The following GPC5 variants were observed in gnomAD, a reference collection of about 807,000 sequenced individuals.
GPC5 encodes glypican-5.
GPC5 carries 47 observed loss-of-function variants against 53.9 expected under a neutral mutation model. The observed-to-expected ratio is 0.87, with a 90% CI of 0.69 to 1.11. GPC5 has a LOEUF of 1.11. GPC5 is among the 50% of genes most tolerant of loss of function. The pLI, the probability that GPC5 is intolerant of heterozygous loss-of-function variation, is 0.00. For missense variants in GPC5, 748 were observed against 713.1 expected, an observed-to-expected ratio of 1.05 and a Z score of -0.56; for synonymous variants, 286 against 263.3, an observed-to-expected ratio of 1.09 and a Z score of -0.84.
chr13:92,088,695 G>A (rs1049933222), intron 6 of GPC5, among the ~76,000 whole-genome samples: 2 of 152,138 alleles, frequency 1.3e-5, no homozygotes, highest in Non-Finnish European at 2.9e-5. Flanking sequence ...GAGGACCTGG[G>A]TATTGCGTCT....
intron 2 of GPC5, among the ~76,000 whole-genome samples, chr13:91,619,264 T>C (rs1246672821): frequency 6.6e-6 from 1 of 152,096 alleles, no homozygotes; most frequent in Non-Finnish European, 1.5e-5. Flanking sequence ...CATTTTTAAA[T>C]GAAGGATTCT....
chr13:91,764,216 T>G (rs574900988), intron 5 of GPC5, among the ~76,000 whole-genome samples: 10 of 152,224 alleles, frequency 6.6e-5, no homozygotes, highest in Non-Finnish European at 1.2e-4. Context: ...CGGTTAAAGC[T>G]TAGGGAAATA....
intron 5 of GPC5, among the ~76,000 whole-genome samples, chr13:91,819,580 C>T (rs770259803): frequency 5.9e-5 from 9 of 152,074 alleles, no homozygotes; most frequent in Non-Finnish European, 1.0e-4. Flanking sequence ...TATATTATTG[C>T]GTACAGCTGT....
At chr13:92,167,740 T>C (rs1161652387) in intron 7 of GPC5, among the ~76,000 whole-genome samples, 1 of 152,188 alleles carries the variant, frequency 6.6e-6, no homozygotes, top group Non-Finnish European at 1.5e-5. Context: ...CCCACTCTAC[T>C]GGTCTGAATC....
chr13:92,640,647 A>T (rs552088647), intron 7 of GPC5, among the ~76,000 whole-genome samples: 19 of 152,294 alleles, frequency 1.2e-4, no homozygotes, highest in South Asian at 4.1e-4. Flanking sequence ...CAAAGAAGGT[A>T]CATGATGAAT....
chr13:91,876,908 C>G (rs904719996), intron 5 of GPC5, among the ~76,000 whole-genome samples: 2 of 152,174 alleles, frequency 1.3e-5, no homozygotes, highest in Non-Finnish European at 2.9e-5. Flanking sequence ...GGTGCCTGTG[C>G]TATATGCAGC....
chr13:92,810,200 T>C (rs2138797528), intron 7 of GPC5, among the ~76,000 whole-genome samples: 1 of 150,444 alleles, frequency 6.6e-6, no homozygotes, highest in South Asian at 2.1e-4. Flanking sequence ...ATCACAAAGT[T>C]GTGCTTTTAT....
intron 5 of GPC5, among the ~76,000 whole-genome samples, chr13:91,784,427 A>G (rs186104375): frequency 4.4e-4 from 67 of 152,248 alleles, no homozygotes; most frequent in African/African-American, 1.4e-3. Flanking sequence ...CATCCCACTT[A>G]AAATTACCTA....
chr13:91,717,567 T>C (rs893031405), intron 3 of GPC5, among the ~76,000 whole-genome samples: 1 of 152,096 alleles, frequency 6.6e-6, no homozygotes, highest in Non-Finnish European at 1.5e-5. Flanking sequence ...TTGCACATTT[T>C]TTTTTTTAGA....
intron 7 of GPC5, among the ~76,000 whole-genome samples, chr13:92,566,803 A>G (rs991021278): frequency 2.6e-5 from 4 of 152,120 alleles, no homozygotes; most frequent in African/African-American, 7.2e-5. Context: ...CCAAACTACA[A>G]GAGCTAAATA....
intron 7 of GPC5, among the ~76,000 whole-genome samples, chr13:92,539,106 A>G (rs1243181889): frequency 1.3e-5 from 2 of 149,060 alleles, no homozygotes; most frequent in Non-Finnish European, 3.0e-5. Flanking sequence ...ATGATTTATA[A>G]TCCTTTGGGT....
intron 7 of GPC5, among the ~76,000 whole-genome samples, chr13:92,200,029 A>G (rs911984351): frequency 2.0e-5 from 3 of 152,152 alleles, no homozygotes; most frequent in Non-Finnish European, 4.4e-5. Flanking sequence ...TGCTCAATGT[A>G]TTTTCATTGA....
At chr13:92,133,051 G>A (rs1178191732) in intron 6 of GPC5, among the ~76,000 whole-genome samples, 5 of 151,750 alleles carry the variant, frequency 3.3e-5, no homozygotes, top group Non-Finnish European at 5.9e-5. Flanking sequence ...TTTCTTTTAA[G>A]GTCACACATT....
intron 5 of GPC5, among the ~76,000 whole-genome samples, chr13:91,880,253 GT>G: frequency 6.6e-6 from 1 of 151,876 alleles, no homozygotes; most frequent in Non-Finnish European, 1.5e-5. Flanking sequence ...CTAAGATAGT[GT>G]TTTTTGTCTT....
At chr13:91,952,016 A>C (rs2139061001) in intron 6 of GPC5, among the ~76,000 whole-genome samples, 2 of 152,288 alleles carry the variant, frequency 1.3e-5, no homozygotes, top group Admixed American at 1.3e-4. Flanking sequence ...AATGATGACT[A>C]ACTGAATTAT....
intron 7 of GPC5, among the ~76,000 whole-genome samples, chr13:92,429,403 A>C (rs2139372131): frequency 6.6e-6 from 1 of 151,958 alleles, no homozygotes; most frequent in African/African-American, 2.4e-5. Flanking sequence ...AATAATACAC[A>C]AAATATTAAC....
chr13:92,527,114 AAGAAAGAAAG>A (rs1396915308), intron 7 of GPC5, among the ~76,000 whole-genome samples: 2 of 68,916 alleles, frequency 2.9e-5, no homozygotes, highest in African/African-American at 1.1e-4. Context: ...AGAAAAAAGA[AAGAAAGAAAG>A]AAAGAAAGAA....
chr13:92,586,862 C>A (rs952467523), intron 7 of GPC5, among the ~76,000 whole-genome samples: 6 of 152,138 alleles, frequency 3.9e-5, no homozygotes, highest in African/African-American at 1.4e-4. Context: ...CTGGGGCTTA[C>A]AGAGTTCCCT....
intron 5 of GPC5, among the ~76,000 whole-genome samples, chr13:91,847,417 G>A (rs1269955888): frequency 6.6e-6 from 1 of 151,864 alleles, no homozygotes; most frequent in African/African-American, 2.4e-5. Flanking sequence ...GGGCTTTACT[G>A]TAAGTACATC....
Sources: allele counts gnomAD v4.1 joint callset (sites outside exome capture counted in the v4.1 genomes callset), GRCh38; gene constraint gnomAD v4.1.1; transcripts MANE v1.5; gene names NCBI Gene and HGNC (gene_info 2026-07-23, HGNC 2026-07-21).